MAP3K13: variants seen among roughly 807,000 people sequenced by gnomAD.
The protein encoded by MAP3K13 is mitogen-activated protein kinase kinase kinase 13, also known as leucine zipper-bearing kinase.
A neutral mutation model predicts 104.0 loss-of-function variants in MAP3K13; 52 were observed. The ratio of observed to expected loss-of-function variants is 0.50; its 90% CI spans 0.40 to 0.63. The LOEUF (loss-of-function observed/expected upper bound fraction) is 0.63. Among genes scored for constraint, MAP3K13 ranks in the 20% least tolerant of loss-of-function variants. The pLI, the probability that MAP3K13 is intolerant of heterozygous loss-of-function variation, is 0.00. For synonymous variants in MAP3K13, 394 were observed against 442.2 expected (o/e 0.89, Z 1.37); for missense variants, 914 against 1,218.5 (o/e 0.75, Z 3.72).
intron 1 of MAP3K13, among the ~76,000 whole-genome samples, chr3:185,394,102 G>A (rs1298924251): frequency 6.6e-6 from 1 of 152,150 alleles, no homozygotes; most frequent in Non-Finnish European, 1.5e-5. Flanking sequence ...GTGGGGTCAG[G>A]GAAGAGGATG....
At chr3:185,381,928 A>G (rs1724740891) in intron 1 of MAP3K13, among the ~76,000 whole-genome samples, 1 of 152,242 alleles carries the variant, frequency 6.6e-6, no homozygotes, top group Non-Finnish European at 1.5e-5. Flanking sequence ...TCACTAGTTC[A>G]GTGCTCACTG....
At chr3:185,472,282 G>A (rs546878105) in intron 10 of MAP3K13, among the ~76,000 whole-genome samples, 9 of 145,180 alleles carry the variant, frequency 6.2e-5, no homozygotes, top group East Asian at 4.1e-4. Flanking sequence ...GCACCATCTC[G>A]GCTCACTGCA....
chr3:185,406,892 A>T (rs1713145935), intron 1 of MAP3K13, among the ~76,000 whole-genome samples: 1 of 152,220 alleles, frequency 6.6e-6, no homozygotes, highest in Non-Finnish European at 1.5e-5. Context: ...GCAAGTAAAA[A>T]GGGGATCTGT....
chr3:185,356,034 T>A (rs1723337540), intron 2 of MAP3K13, among the ~76,000 whole-genome samples: 1 of 152,130 alleles, frequency 6.6e-6, no homozygotes, highest in Non-Finnish European at 1.5e-5. Flanking sequence ...TGAATTGAGA[T>A]AAACGGTAAA....
intron 1 of MAP3K13, among the ~76,000 whole-genome samples, chr3:185,400,905 G>GTTTTTTTTTTTTTTTTTTTT (rs71164506): frequency 4.7e-5 from 5 of 107,288 alleles, no homozygotes; most frequent in African/African-American, 1.1e-4. Flanking sequence ...GTGTTTGTTT[G>GTTTTTTTTTTTTTTTTTTTT]TTTTTTTTTT....
At chr3:185,419,027 T>A (rs970648047) in intron 1 of MAP3K13, among the ~76,000 whole-genome samples, 3 of 151,950 alleles carry the variant, frequency 2.0e-5, no homozygotes, top group African/African-American at 4.8e-5. Flanking sequence ...ATTCTTTTTT[T>A]TTTTTTTGAG....
intron 5 of MAP3K13, among the ~76,000 whole-genome samples, chr3:185,448,599 C>T (rs570125107): frequency 6.6e-6 from 1 of 152,202 alleles, no homozygotes; most frequent in African/African-American, 2.4e-5. Flanking sequence ...GCATGTAATA[C>T]CAGAGCAAAT....
At chr3:185,388,857 T>A (rs1461598493) in intron 1 of MAP3K13, among the ~76,000 whole-genome samples, 1 of 152,188 alleles carries the variant, frequency 6.6e-6, no homozygotes, top group Non-Finnish European at 1.5e-5. Flanking sequence ...ATGGATAGAA[T>A]AGAACCAGAA....
rs778958736 is a variant in MAP3K13 at position 185,480,318 on chromosome 3, C to G, written c.2588C>G (p.Thr863Ser). The change falls in exon 13 of 14, where the codon ACC becomes AGC. Residue 863 changes from threonine to serine, a missense_variant. Around this residue, in one of 3 missense-constraint regions of MAP3K13, gnomAD observed 583 missense variants for 737.4 expected, o/e 0.79. Transcript: ENST00000265026. The stretch of plus-strand genomic sequence containing the variant: ...GTGTCTGATGGAGAAGAGGGAAATA[C>G]CAGTGACCACTCAAACAGTCCTGAT... Reference protein sequence around the residue: ...FSVSDGEEGNTSDHSNSPDEL... With the variant: ...FSVSDGEEGNSSDHSNSPDEL... 1.2e-6 allele frequency: 2 copies of G among 1,614,180 alleles called. No homozygotes were observed. Among genetic ancestry groups the G allele is most frequent in the African/African-American group, 1.3e-5 (1 of 75,028 alleles).
chr3:185,291,397 A>G (rs1720731566), intron 2 of MAP3K13, among the ~76,000 whole-genome samples: 2 of 152,212 alleles, frequency 1.3e-5, no homozygotes, highest in Admixed American at 1.3e-4. Flanking sequence ...TATTAATCAA[A>G]GAGATAAGCC....
Position 185,428,852 on chromosome 3 carries a change from G to A in MAP3K13, c.271G>A (p.Asp91Asn), listed in dbSNP as rs369957279. The A allele has an allele frequency of 6.1e-5, 98 of 1,614,188 alleles. No individual in the cohort carries two copies. Among genetic ancestry groups the A allele is most frequent in the Non-Finnish European group, 7.5e-5 (89 of 1,180,046 alleles). The change falls in exon 2 of 14, where the codon GAT becomes AAT. Residue 91 changes from aspartate (D) to asparagine (N), a missense_variant. By Grantham distance (23) the Asp-to-Asn change is conservative. This residue lies in a region of MAP3K13 where 156 missense variants were observed against 159.8 expected (regional missense o/e 0.98). Coordinates refer to ENST00000265026, the MANE Select transcript of MAP3K13 (RefSeq NM_004721.5). ...ENSVLQLREH[D>N]ESETAVSQGN... ...CAGCGTTCTTCAGCTAAGGGAACACGATGAATCAGAGACGGCGGTGTCTCA... is the reference window on the plus strand; with the variant it reads ...CAGCGTTCTTCAGCTAAGGGAACACAATGAATCAGAGACGGCGGTGTCTCA...
intron 1 of MAP3K13, among the ~76,000 whole-genome samples, chr3:185,386,440 G>A (rs934894711): frequency 4.6e-5 from 7 of 152,144 alleles, no homozygotes; most frequent in African/African-American, 7.2e-5. Flanking sequence ...TGGAGAAAAG[G>A]GAATGCTCTG....
At chr3:185,300,383 T>C (rs1364673309) in intron 2 of MAP3K13, among the ~76,000 whole-genome samples, 1 of 152,070 alleles carries the variant, frequency 6.6e-6, no homozygotes, top group Non-Finnish European at 1.5e-5. Context: ...AGATGGGGTT[T>C]CACTTGTCTC....
intron 3 of MAP3K13, among the ~76,000 whole-genome samples, chr3:185,440,490 C>T (rs1328330217): frequency 1.3e-5 from 2 of 152,026 alleles, no homozygotes; most frequent in Non-Finnish European, 2.9e-5. Context: ...TTGTTTGTAG[C>T]TGCCAGACAC....
rs1321601718 is a variant in MAP3K13, at chr3:185,418,162, C to A, written c.-85-10335C>A. On this transcript the variant is annotated intron_variant, in intron 1 of 13. Transcript: ENST00000265026. The surrounding 1 kb of genome is among the most constrained non-coding windows in gnomAD (Gnocchi z 4.5). ...ATCCTCATTATAGATGATGCACAGG[C>A]CCCTGCGCTGGATACGGCGACGGTT... 1.9e-6 allele frequency: 3 copies of A among 1,608,536 alleles called. No homozygotes were observed. In the Admixed American group the frequency reaches 5.0e-5, roughly 27 times the overall value.
intron 10 of MAP3K13, 43 bp downstream of exon 10, chr3:185,467,006 A>G: frequency 6.2e-7 from 1 of 1,611,472 alleles, no homozygotes; most frequent in Non-Finnish European, 8.5e-7. Flanking sequence ...AAATAGGGAA[A>G]GACCCACCCA....
At position 185,315,495 on chromosome 3, in the gene MAP3K13, G is replaced by A. The variant is rs968829221; in HGVS notation, c.-86+29852G>A. On this transcript the variant is annotated intron_variant, in intron 2 of 14. Transcript: ENST00000424227. The surrounding 1 kb of genome is among the most constrained non-coding windows in gnomAD (Gnocchi z 4.3). ...GTGATGCTGATACTGCTGGTCCAGC[G>A]ACCATTAATTGAGAACGACTGCATT... Among the ~76,000 whole-genome samples, 7 of 152,052 alleles carry A rather than the reference G, an allele frequency of 4.6e-5. No homozygotes were observed. Among genetic ancestry groups the A allele is most frequent in the African/African-American group, 7.2e-5 (3 of 41,394 alleles).
intron 1 of MAP3K13, among the ~76,000 whole-genome samples, chr3:185,387,057 TTAAAA>T (rs1409462685): frequency 6.6e-6 from 1 of 152,066 alleles, no homozygotes; most frequent in Admixed American, 6.6e-5. Flanking sequence ...ATCTCTGAAC[TTAAAA>T]TAAAAGTTGA....
At chr3:185,307,150 GTC>G (rs1475429450) in intron 2 of MAP3K13, among the ~76,000 whole-genome samples, 1 of 152,020 alleles carries the variant, frequency 6.6e-6, no homozygotes, top group Non-Finnish European at 1.5e-5. Context: ...GTTACAATGT[GTC>G]TCTGTGGGCC....
Sources: allele counts gnomAD v4.1 joint callset (sites outside exome capture counted in the v4.1 genomes callset), GRCh38; gene constraint gnomAD v4.1.1; regional missense constraint gnomAD v4.1.1; non-coding constraint Gnocchi (gnomAD v3.1); transcripts MANE v1.5; gene names NCBI Gene and HGNC (gene_info 2026-07-23, HGNC 2026-07-21).